PHYHD1: variants seen among roughly 807,000 people sequenced by gnomAD.
PHYHD1 encodes phytanoyl-CoA dioxygenase domain containing 1, also known as phytanoyl-CoA dioxygenase domain-containing protein 1.
A neutral mutation model predicts 43.6 loss-of-function variants in PHYHD1; 42 were observed. The observed-to-expected ratio is 0.96, with a 90% CI of 0.75 to 1.25. The LOEUF (loss-of-function observed/expected upper bound fraction) is 1.25, where lower values mean the gene tolerates loss of function less well. Among genes scored for constraint, PHYHD1 ranks in the 50% most tolerant of loss-of-function variants. The probability of loss-of-function intolerance (pLI) is 0.00; values close to 1 mark genes in which losing one functional copy is unlikely to be tolerated. For missense variants in PHYHD1, 342 were observed against 370.8 expected (o/e 0.92, Z 0.64); for synonymous variants, 139 against 143.6 (o/e 0.97, Z 0.23).
chr9:128,922,650 TGGG>T (rs886702930), intron 3 of PHYHD1, among the ~76,000 whole-genome samples: 2 of 152,038 alleles, frequency 1.3e-5, no homozygotes, highest in African/African-American at 2.4e-5. Context: ...GCAACGCTGT[TGGG>T]GGGCGCAGCG....
intron 11 of PHYHD1, 72 bp from the exon 12 acceptor site, chr9:128,941,373 C>A: frequency 1.3e-6 from 2 of 1,581,488 alleles, no homozygotes; most frequent in East Asian, 2.2e-5. Flanking sequence ...GAGGAGGGCC[C>A]ATGTCCCTTC....
intron 4 of PHYHD1, among the ~76,000 whole-genome samples, chr9:128,929,587 C>T (rs917288388): frequency 1.3e-5 from 2 of 151,774 alleles, no homozygotes; most frequent in African/African-American, 2.4e-5. Flanking sequence ...GCAGGAGAAT[C>T]GCCTGAACCC....
Position 128,940,772 on chromosome 9 carries a change from C to T in PHYHD1, c.703+57C>T. 7.7e-6 allele frequency: 12 copies of T among 1,554,382 alleles called. No homozygotes were observed. In the South Asian group the frequency reaches 1.4e-4, roughly 18 times the overall value. ...GGCTGAGTCCATCAGTCTGTGCTTG[C>T]TCGACTACCCAGCGTCCAAGAGGTT... On this transcript the variant is annotated intron_variant, in intron 11 of 12. Coordinates refer to ENST00000372592, the MANE Select transcript of PHYHD1 (RefSeq NM_001100876.2).
chr9:128,932,168 TGTTATTATTA>T (rs1841301839), intron 4 of PHYHD1, among the ~76,000 whole-genome samples: 7 of 122,822 alleles, frequency 5.7e-5, no homozygotes, highest in African/African-American at 1.7e-4. Flanking sequence ...TTATTATTAT[TGTTATTATTA>T]TTATTATTTT....
At chr9:128,940,952 A>G (rs749505048) in intron 11 of PHYHD1, among the ~76,000 whole-genome samples, 2 of 152,188 alleles carry the variant, frequency 1.3e-5, no homozygotes, top group Non-Finnish European at 2.9e-5. Flanking sequence ...TCTCTGGGCA[A>G]ATGACTGACT....
chr9:128,940,785 C>T (rs1201398629), intron 11 of PHYHD1, 70 bp downstream of exon 11: 17 of 1,510,908 alleles, frequency 1.1e-5, no homozygotes, highest in African/African-American at 5.5e-5. Flanking sequence ...GACTACCCAG[C>T]GTCCAAGAGG....
intron 9 of PHYHD1, chr9:128,938,088 C>T: frequency 1.4e-6 from 1 of 719,848 alleles, no homozygotes; most frequent in South Asian, 2.1e-5. Context: ...GAGCGGATCA[C>T]CTGAGGTCAG....
At chr9:128,939,590 AAAT>A (rs941721330) in intron 9 of PHYHD1, among the ~76,000 whole-genome samples, 37 of 120,230 alleles carry the variant, frequency 3.1e-4, no homozygotes, top group Middle Eastern at 4.5e-3. Flanking sequence ...AAAAAAAAAA[AAAT>A]AATAATAATA....
chr9:128,940,338 T>C (rs1446526778), intron 9 of PHYHD1, 31 bp from the exon 10 acceptor site: 1 of 1,611,162 alleles, frequency 6.2e-7, no homozygotes, highest in Admixed American at 1.7e-5. Context: ...GGCAAAAGGA[T>C]GAGCTCCTCA....
intron 4 of PHYHD1, among the ~76,000 whole-genome samples, chr9:128,927,825 G>C (rs1841174931): frequency 6.6e-6 from 1 of 152,286 alleles, no homozygotes. Flanking sequence ...CTGTTCTCTG[G>C]TCACCGAAGG....
intron 9 of PHYHD1, 31 bp from the exon 10 acceptor site, chr9:128,940,335 GGAT>G (rs1464413394): frequency 6.2e-7 from 1 of 1,611,692 alleles, no homozygotes; most frequent in South Asian, 1.1e-5. Flanking sequence ...ACAGGCAAAA[GGAT>G]GAGCTCCTCA....
intron 11 of PHYHD1, among the ~76,000 whole-genome samples, 192 bp downstream of exon 11, chr9:128,940,907 C>T (rs1440736511): frequency 6.6e-6 from 1 of 152,176 alleles, no homozygotes; most frequent in Non-Finnish European, 1.5e-5. Context: ...ATCCAGATCA[C>T]CCTGGAATCC....
At chr9:128,933,430 C>T (rs1841348162) in intron 4 of PHYHD1, among the ~76,000 whole-genome samples, 1 of 152,078 alleles carries the variant, frequency 6.6e-6, no homozygotes, top group Admixed American at 6.6e-5. Context: ...TGAGTCGTTA[C>T]TCCCAGCCAT....
At chr9:128,941,209 G>A (rs995166243) in intron 11 of PHYHD1, among the ~76,000 whole-genome samples, 1 of 152,152 alleles carries the variant, frequency 6.6e-6, no homozygotes, top group Non-Finnish European at 1.5e-5. Context: ...CCCTTCCTAA[G>A]GCTTGCCAAG....
intron 8 of PHYHD1, 122 bp from the exon 9 acceptor site, chr9:128,937,635 T>G (rs1014450482): frequency 5.3e-6 from 6 of 1,128,846 alleles, no homozygotes; most frequent in Middle Eastern, 2.3e-4. Flanking sequence ...TAGCTGGGTG[T>G]TGATGTGGAA....
At chr9:128,929,105 G>C (rs1841208489) in intron 4 of PHYHD1, among the ~76,000 whole-genome samples, 1 of 152,120 alleles carries the variant, frequency 6.6e-6, no homozygotes, top group East Asian at 1.9e-4. Context: ...AAGCAGGGAG[G>C]ATCGCTTGAG....
chr9:128,922,473 G>C, intron 3 of PHYHD1, 117 bp downstream of exon 3: 2 of 1,316,564 alleles, frequency 1.5e-6, no homozygotes, highest in South Asian at 2.9e-5. Flanking sequence ...CGAAACTGAA[G>C]CCCAGAGGAG....
rs776034632 is a variant in PHYHD1, at chr9:128,940,389, T to C, written c.478T>C (p.Ser160Pro). The C allele has an allele frequency of 2.7e-5, 44 of 1,614,032 alleles. No individual in the cohort carries two copies. Among genetic ancestry groups the C allele is most frequent in the Non-Finnish European group, 3.6e-5 (43 of 1,180,036 alleles). ...CTTAGTCTCCCCTCATCAGGACGCC[T>C]CCTTCCTGTACACGGAGCCCCTGGG... Reference protein sequence around the residue: ...GGEVSPHQDASFLYTEPLGRV... With the variant: ...GGEVSPHQDAPFLYTEPLGRV... Residue 160 changes from serine to proline, a missense_variant, in exon 10 of 13, where the codon TCC (serine) becomes CCC (proline). Transcript: ENST00000372592.
chr9:128,938,104 C>T (rs1017454697), intron 9 of PHYHD1, among the ~76,000 whole-genome samples: 44 of 152,076 alleles, frequency 2.9e-4, no homozygotes, highest in Non-Finnish European at 5.1e-4. Context: ...GTCAGGAATT[C>T]GAGACCAGCC....
Sources: allele counts gnomAD v4.1 joint callset (sites outside exome capture counted in the v4.1 genomes callset), GRCh38; gene constraint gnomAD v4.1.1; transcripts MANE v1.5; gene names NCBI Gene and HGNC (gene_info 2026-07-23, HGNC 2026-07-21).